The following PDE5A variants were observed in gnomAD, a reference collection of about 807,000 sequenced individuals.
PDE5A encodes phosphodiesterase 5A, also known as cGMP-specific 3',5'-cyclic phosphodiesterase.
PDE5A carries 67 observed loss-of-function variants against 110.2 expected under a neutral mutation model. The observed-to-expected ratio is 0.61, with a 90% CI of 0.50 to 0.75. The LOEUF is 0.75. PDE5A is among the 30% of genes least tolerant of loss of function. The pLI, the probability that PDE5A is intolerant of heterozygous loss-of-function variation, is 0.00. For synonymous variants in PDE5A, 328 were observed against 351.2 expected (o/e 0.93, Z 0.74); for missense variants, 862 against 1,045.1 (o/e 0.82, Z 2.42).
Position 119,519,224 on chromosome 4 carries a change from T to G in PDE5A, c.1906-85A>C, listed in dbSNP as rs539013019. 40 of 991,542 alleles carry G rather than the reference T, an allele frequency of 4.0e-5. No homozygotes were observed. The African/African-American group carries it at 6.0e-4, about 15-fold the overall frequency. The allele number at this position is 991,542 out of a possible 1,614,324, so 61.4% of individuals were successfully genotyped here. A position where few individuals can be genotyped will look rare whatever the true frequency, so the allele number is the denominator to read the frequency against. Reference sequence around the variant, plus strand: ...ATATTACCTCTTTTCAGTAATCTTTTTTTTCCCCTCAGTGCTTTACATACA... The same window carrying G: ...ATATTACCTCTTTTCAGTAATCTTTGTTTTCCCCTCAGTGCTTTACATACA... On this transcript the variant is annotated intron_variant, in intron 13 of 20. Coordinates refer to ENST00000354960, the MANE Select transcript of PDE5A (RefSeq NM_001083.4).
intron 18 of PDE5A, among the ~76,000 whole-genome samples, chr4:119,503,535 T>C (rs1429265316): frequency 6.6e-6 from 1 of 152,100 alleles, no homozygotes; most frequent in Admixed American, 6.6e-5. Flanking sequence ...AGGCTAACCA[T>C]AAGAAAAGTA....
In PDE5A at chr4:119,496,787, A is replaced by C. The variant is rs984422445; in HGVS notation, c.*1814T>G. On this transcript the variant is annotated 3_prime_UTR_variant, in exon 21 of 21. Transcript: ENST00000354960. ...TGTGTATTTTACACACCAGTGCCAC[A>C]AAGGGGCAACCTTACAAATTTTATC... The C allele has an allele frequency of 2.0e-5, 3 of 152,586 alleles. No homozygotes were observed. Among genetic ancestry groups the C allele is most frequent in the African/African-American group, 7.2e-5 (3 of 41,456 alleles). 9.5% of individuals were successfully genotyped at this position (152,586 alleles called of 1,614,324 possible).
intron 9 of PDE5A, among the ~76,000 whole-genome samples, chr4:119,548,044 A>ATTTTTTTTTTTTT: frequency 1.1e-5 from 1 of 94,784 alleles, no homozygotes; most frequent in African/African-American, 4.2e-5. Flanking sequence ...TTCTCCGTGT[A>ATTTTTTTTTTTTT]TTTTTTTTTT....
rs147400864 is a variant in PDE5A at position 119,616,956 on chromosome 4, A to C, written c.153-9659T>G. On this transcript the variant is annotated intron_variant, in intron 1 of 20. Coordinates refer to ENST00000354960, the MANE Select transcript of PDE5A (RefSeq NM_001083.4). ...ATGGACTCAATTAAGTTAATGATTA[A>C]ATTAAATAGTGCCAAGTTAGTATTG... Among the ~76,000 whole-genome samples the C allele has an allele frequency of 3.1e-3, 477 of 152,316 alleles. 2 individuals carry two copies. Among genetic ancestry groups the C allele is most frequent in the African/African-American group, 0.011 (448 of 41,580 alleles).
intron 6 of PDE5A, among the ~76,000 whole-genome samples, chr4:119,562,199 G>A (rs1017721501): frequency 7.2e-5 from 11 of 152,194 alleles, no homozygotes; most frequent in Non-Finnish European, 1.3e-4. Context: ...AAGACAGCTG[G>A]CCTGGCTGTA....
intron 20 of PDE5A, chr4:119,499,534 G>A (rs1725214469): frequency 6.6e-6 from 1 of 151,900 alleles, no homozygotes; most frequent in African/African-American, 2.4e-5. Context: ...CAGTAATTCT[G>A]ATTTTTCTTT....
intron 14 of PDE5A, among the ~76,000 whole-genome samples, chr4:119,517,686 T>C (rs1725965060): frequency 6.6e-6 from 1 of 151,654 alleles, no homozygotes; most frequent in Non-Finnish European, 1.5e-5. Flanking sequence ...GAAAAAATAG[T>C]TGAGTGTTTT....
chr4:119,531,284 T>G (rs959583494), intron 11 of PDE5A, among the ~76,000 whole-genome samples: 1 of 152,156 alleles, frequency 6.6e-6, no homozygotes, highest in African/African-American at 2.4e-5. Flanking sequence ...ATTTCTTTTT[T>G]TTCTTTTTTC....
intron 3 of PDE5A, among the ~76,000 whole-genome samples, chr4:119,573,750 G>A (rs1479809330): frequency 3.9e-5 from 6 of 152,118 alleles, no homozygotes; most frequent in African/African-American, 7.2e-5. Flanking sequence ...TCGTGGCTAC[G>A]AATGGGCAGC....
rs201402226 is a variant in PDE5A at position 119,511,124 on chromosome 4, G to C, written c.2011C>G (p.Pro671Ala). 3 of 1,605,260 alleles carry C rather than the reference G, an allele frequency of 1.9e-6. No homozygotes were observed. Among genetic ancestry groups the C allele is most frequent in the Non-Finnish European group, 2.6e-6 (3 of 1,172,772 alleles). ...NNSYIQRSEH[P>A]LAQLYCHSIM... ...GAATGGCAGTAAAGCTGGGCAAGTG[G>C]ATGTTCACTTCTGAAAGTATTTTGT... Residue 671 changes from proline (P) to alanine (A), a missense_variant, in exon 15 of 21, where the codon CCA (proline) becomes GCA (alanine). Coordinates refer to ENST00000354960, the MANE Select transcript of PDE5A (RefSeq NM_001083.4).
chr4:119,624,219 C>T (rs1228240068), intron 1 of PDE5A, among the ~76,000 whole-genome samples: 1 of 152,138 alleles, frequency 6.6e-6, no homozygotes, highest in East Asian at 1.9e-4. Flanking sequence ...TCAACACTAA[C>T]AACTGCCTCA....
At chr4:119,580,615 C>G (rs1211870478) in intron 3 of PDE5A, among the ~76,000 whole-genome samples, 1 of 152,160 alleles carries the variant, frequency 6.6e-6, no homozygotes, top group African/African-American at 2.4e-5. Context: ...ACTAGGAATT[C>G]AAAACCACCC....
intron 10 of PDE5A, among the ~76,000 whole-genome samples, chr4:119,540,380 C>A (rs1726883935): frequency 6.6e-6 from 1 of 152,068 alleles, no homozygotes; most frequent in Non-Finnish European, 1.5e-5. Context: ...ATCTTTCTTG[C>A]CATTTGAACC....
intron 20 of PDE5A, chr4:119,500,900 G>T: frequency 2.4e-6 from 1 of 420,488 alleles, no homozygotes; most frequent in African/African-American, 2.0e-5. Flanking sequence ...ATACAGTATT[G>T]CTCCTTGAGG....
chr4:119,627,574 G>A lies in PDE5A; in HGVS notation c.152+946C>T, dbSNP rs1355677669. 2 of 152,660 alleles carry A rather than the reference G, an allele frequency of 1.3e-5. No individual in the cohort carries two copies. The highest frequency in any genetic ancestry group is 2.1e-4 in the South Asian group (1 of 4,840). The allele number at this position is 152,660 out of a possible 1,614,324, so 9.5% of individuals were successfully genotyped here. A position where few individuals can be genotyped will look rare whatever the true frequency, so the allele number is the denominator to read the frequency against. On this transcript the variant is annotated intron_variant, in intron 1 of 20. Coordinates refer to ENST00000354960, the MANE Select transcript of PDE5A (RefSeq NM_001083.4). This position sits in a 1 kb window ranked among gnomAD's most constrained non-coding sequence, Gnocchi z 4.6. ...GCGCGTCCTGGAGTCCACGCACCCCGACTATGCATCAATTCCTCAGGCTTC... is the reference window on the plus strand; with the variant it reads ...GCGCGTCCTGGAGTCCACGCACCCCAACTATGCATCAATTCCTCAGGCTTC...
At chr4:119,587,445 A>G (rs900257850) in intron 3 of PDE5A, among the ~76,000 whole-genome samples, 6 of 150,396 alleles carry the variant, frequency 4.0e-5, no homozygotes, top group Non-Finnish European at 8.9e-5. Flanking sequence ...CTGCAGTGGC[A>G]CAATCTCGGC....
Position 119,628,753 on chromosome 4 carries a change from C to T in PDE5A, c.-82G>A. On this transcript the variant is annotated 5_prime_UTR_variant, in exon 1 of 21. Transcript: ENST00000354960. ...GTCCGTCCCTCAGAAGAACAGGACTCGGCCTCGAGACCCTCCCCCTTCGTC... is the reference window on the plus strand; with the variant it reads ...GTCCGTCCCTCAGAAGAACAGGACTTGGCCTCGAGACCCTCCCCCTTCGTC... 1 of 1,556,844 alleles carries T rather than the reference C, an allele frequency of 6.4e-7. No individual in the cohort carries two copies. The highest frequency in any genetic ancestry group is 8.7e-7 in the Non-Finnish European group (1 of 1,153,296).
intron 3 of PDE5A, among the ~76,000 whole-genome samples, chr4:119,581,439 G>T (rs923490009): frequency 6.6e-6 from 1 of 152,122 alleles, no homozygotes; most frequent in African/African-American, 2.4e-5. Context: ...GTGTGTGTGC[G>T]TGTATATATA....
In PDE5A at chr4:119,498,692, C is replaced by T. The variant is rs1725180362; in HGVS notation, c.2537G>A (p.Cys846Tyr). Residue 846 changes from cysteine to tyrosine, a missense_variant, in exon 21 of 21, where the codon TGC becomes TAC. Transcript: ENST00000354960. ...CTGCCATTTCTGCCTGTTCTTTCTG[C>T]AGCCATCTAGCAAAGGGAAACAGTC... ...SEDCFPLLDGCRKNRQKWQAL... is the reference protein window; with the variant it reads ...SEDCFPLLDGYRKNRQKWQAL... The T allele has an allele frequency of 6.2e-7, 1 of 1,613,936 alleles. No individual in the cohort carries two copies. Among genetic ancestry groups the T allele is most frequent in the Non-Finnish European group, 8.5e-7 (1 of 1,179,872 alleles).
Sources: allele counts gnomAD v4.1 joint callset (sites outside exome capture counted in the v4.1 genomes callset), GRCh38; gene constraint gnomAD v4.1.1; non-coding constraint Gnocchi (gnomAD v3.1); transcripts MANE v1.5; gene names NCBI Gene and HGNC (gene_info 2026-07-23, HGNC 2026-07-21).